Variants in WWOX observed in about 807,000 individuals in gnomAD.
WWOX encodes WW domain containing oxidoreductase, also known as WW domain-containing oxidoreductase.
Under a neutral mutation model 46.2 loss-of-function variants are expected in WWOX, and 69 were observed. The observed-to-expected ratio is 1.49, with a 90% CI of 1.23 to 1.82. The LOEUF (loss-of-function observed/expected upper bound fraction) is 1.82. WWOX is among the 40% of genes most tolerant of loss of function. The pLI is 0.00. For missense variants in WWOX, 919 were observed against 542.6 expected, an observed-to-expected ratio of 1.69 and a Z score of -6.89; for synonymous variants, 359 against 202.6, an observed-to-expected ratio of 1.77 and a Z score of -6.56.
chr16:78,985,402 C>T (rs16949155), intron 8 of WWOX, among the ~76,000 whole-genome samples: 1,585 of 152,232 alleles, frequency 0.01, 31 homozygotes, highest in African/African-American at 0.036. Flanking sequence ...TCAGGGTCCC[C>T]GTGCCATGAA....
At chr16:78,929,272 A>C (rs2045567822) in intron 8 of WWOX, among the ~76,000 whole-genome samples, 2 of 151,100 alleles carry the variant, frequency 1.3e-5, no homozygotes, top group Admixed American at 6.6e-5. Flanking sequence ...TTTTGTATTT[A>C]AGTTTCCTAG....
At chr16:78,484,362 G>C (rs1198446085) in intron 8 of WWOX, among the ~76,000 whole-genome samples, 1 of 151,986 alleles carries the variant, frequency 6.6e-6, no homozygotes, top group African/African-American at 2.4e-5. Flanking sequence ...CTATTCCCCA[G>C]AGTTTACTTA....
intron 8 of WWOX, among the ~76,000 whole-genome samples, chr16:78,443,709 C>T (rs192735611): frequency 2.0e-5 from 3 of 152,246 alleles, no homozygotes; most frequent in East Asian, 3.9e-4. Context: ...TTTATCTTCC[C>T]GGTTTCCTTT....
At chr16:78,178,816 G>A (rs1445672370) in intron 5 of WWOX, among the ~76,000 whole-genome samples, 1 of 151,240 alleles carries the variant, frequency 6.6e-6, no homozygotes, top group Non-Finnish European at 1.5e-5. Flanking sequence ...GTGAGCCAAG[G>A]TGGTGCCACT....
intron 8 of WWOX, among the ~76,000 whole-genome samples, chr16:78,742,760 T>A (rs989326559): frequency 6.6e-6 from 1 of 152,314 alleles, no homozygotes; most frequent in Admixed American, 6.5e-5. Context: ...CGTGTGAGTT[T>A]CCATCCATCA....
At chr16:78,992,284 G>A (rs903628684) in intron 8 of WWOX, among the ~76,000 whole-genome samples, 68 of 134,962 alleles carry the variant, frequency 5.0e-4, no homozygotes, top group African/African-American at 1.8e-3. Context: ...AGTGTTCTGC[G>A]AATCCCGGTC....
chr16:78,104,231 A>AACACAC (rs376622174), intron 1 of WWOX, among the ~76,000 whole-genome samples: 24,723 of 129,968 alleles, frequency 0.19, 2,661 homozygotes, highest in Non-Finnish European at 0.24. Flanking sequence ...CTGTGCTCAA[A>AACACAC]ACACACACAC....
chr16:78,231,747 G>A (rs1045125817), intron 5 of WWOX, among the ~76,000 whole-genome samples: 5 of 152,188 alleles, frequency 3.3e-5, no homozygotes, highest in Non-Finnish European at 7.3e-5. Flanking sequence ...AACTTAAGGA[G>A]TAGCTGATTC....
intron 8 of WWOX, among the ~76,000 whole-genome samples, chr16:78,809,480 C>G (rs1412318458): frequency 6.6e-6 from 1 of 151,966 alleles, no homozygotes; most frequent in Non-Finnish European, 1.5e-5. Flanking sequence ...AAGTTGAAGC[C>G]CATCCCTCTA....
intron 8 of WWOX, among the ~76,000 whole-genome samples, chr16:78,738,596 C>G (rs2049142762): frequency 6.6e-6 from 1 of 152,198 alleles, no homozygotes; most frequent in African/African-American, 2.4e-5. Flanking sequence ...GCTGGATTAT[C>G]TAGTCCCTGA....
intron 4 of WWOX, among the ~76,000 whole-genome samples, chr16:78,117,595 C>G (rs926776423): frequency 3.9e-5 from 6 of 152,186 alleles, no homozygotes; most frequent in Non-Finnish European, 7.3e-5. Context: ...GCGTGGCTGC[C>G]TTAGAAAGTG....
At chr16:78,497,969 G>T (rs1467341986) in intron 8 of WWOX, among the ~76,000 whole-genome samples, 2 of 152,096 alleles carry the variant, frequency 1.3e-5, no homozygotes, top group African/African-American at 4.8e-5. Flanking sequence ...TTGGGAGGCC[G>T]AGGTGGGCGG....
chr16:78,303,206 C>G (rs867232748), intron 5 of WWOX, among the ~76,000 whole-genome samples: 13 of 152,282 alleles, frequency 8.5e-5, no homozygotes, highest in African/African-American at 2.4e-4. Context: ...AAATCTATCT[C>G]TAATTTATGT....
At chr16:78,633,855 T>G (rs1183588785) in intron 8 of WWOX, among the ~76,000 whole-genome samples, 2 of 151,982 alleles carry the variant, frequency 1.3e-5, no homozygotes, top group African/African-American at 4.8e-5. Context: ...CCCACTCACA[T>G]GTAGGTCACC....
At chr16:79,034,919 C>T (rs2047836413) in intron 8 of WWOX, among the ~76,000 whole-genome samples, 1 of 152,072 alleles carries the variant, frequency 6.6e-6, no homozygotes, top group Non-Finnish European at 1.5e-5. Context: ...ATACATTTTG[C>T]AAATGATCTT....
intron 8 of WWOX, among the ~76,000 whole-genome samples, chr16:78,549,361 G>A (rs180788841): frequency 2.6e-5 from 4 of 152,252 alleles, no homozygotes; most frequent in Admixed American, 6.5e-5. Flanking sequence ...ATATTTGTTC[G>A]AGTCACTTGC....
intron 8 of WWOX, among the ~76,000 whole-genome samples, chr16:78,928,336 G>T: frequency 6.6e-6 from 1 of 151,190 alleles, no homozygotes; most frequent in Non-Finnish European, 1.5e-5. Context: ...CCGAGTAGCT[G>T]GGACTACAGG....
chr16:79,211,534 A>G (rs1194296189), intron 8 of WWOX, 74 bp from the exon 9 acceptor site: 3 of 1,598,488 alleles, frequency 1.9e-6, no homozygotes, highest in South Asian at 2.2e-5. Flanking sequence ...GCTAATGCCC[A>G]GGCAGTCGAA....
At chr16:78,784,069 T>C (rs1052164077) in intron 8 of WWOX, among the ~76,000 whole-genome samples, 3 of 152,182 alleles carry the variant, frequency 2.0e-5, no homozygotes, top group Non-Finnish European at 2.9e-5. Context: ...AGATACCATG[T>C]ACTGAGCACT....
Sources: allele counts gnomAD v4.1 joint callset (sites outside exome capture counted in the v4.1 genomes callset), GRCh38; gene constraint gnomAD v4.1.1; transcripts MANE v1.5; gene names NCBI Gene and HGNC (gene_info 2026-07-23, HGNC 2026-07-21).